Variants in SYNE2 observed in about 807,000 individuals in gnomAD.
SYNE2 encodes spectrin repeat containing nuclear envelope protein 2.
In SYNE2, 431 loss-of-function variants were observed where a neutral mutation model predicts 856.3. That is an observed-to-expected ratio of 0.50 (90% CI 0.47 to 0.55). The LOEUF is 0.55. Among genes scored for constraint, SYNE2 ranks in the 20% least tolerant of loss-of-function variants. The pLI is 0.00. For missense variants in SYNE2, 8,129 were observed against 8,023.2 expected (o/e 1.01, Z -0.50); for synonymous variants, 2,923 against 2,872.3 (o/e 1.02, Z -0.56).
intron 83 of SYNE2, 85 bp from the exon 84 acceptor site, chr14:64,145,983 A>G (rs1417239751): frequency 3.1e-6 from 3 of 979,502 alleles, no homozygotes; most frequent in Non-Finnish European, 4.3e-6. Context: ...AAAGAAGCAA[A>G]ATTGTTTTTT....
rs371320259 is a variant in SYNE2 at position 63,796,424 on chromosome 14, TC to T, written c.-305+34440del. ...GTAAGACGAGATCTCGCCGCTGCACTCCAGCCTGGGCAACAGAGCAAGACTC... is the reference window on the plus strand; with the variant it reads ...GTAAGACGAGATCTCGCCGCTGCACTCAGCCTGGGCAACAGAGCAAGACTC... On this transcript the variant is annotated intron_variant, in intron 1 of 23. Coordinates refer to the SYNE2 transcript ENST00000674003. Among the ~76,000 whole-genome samples the T allele has an allele frequency of 5.3e-4, 80 of 151,776 alleles. No homozygotes were observed. The East Asian group carries it at 8.7e-3, about 17-fold the overall frequency.
chr14:64,223,078 T>G, intron 112 of SYNE2, 111 bp from the exon 113 acceptor site: 2 of 1,057,268 alleles, frequency 1.9e-6, no homozygotes, highest in South Asian at 2.6e-5. Flanking sequence ...TCGAGTTGAG[T>G]ACTACCCATC....
chr14:64,208,723 A>G, intron 100 of SYNE2, 35 bp from the exon 101 acceptor site: 1 of 1,613,090 alleles, frequency 6.2e-7, no homozygotes, highest in Non-Finnish European at 8.5e-7. Context: ...TGCCACCAAC[A>G]TCTCAAGAGG....
chr14:64,037,172 C>T (rs1390052099), intron 45 of SYNE2, among the ~76,000 whole-genome samples: 1 of 147,718 alleles, frequency 6.8e-6, no homozygotes, highest in Admixed American at 6.8e-5. Flanking sequence ...TTGGGTGTTT[C>T]TCGCAGAGGG....
chr14:64,146,248 C>G, intron 84 of SYNE2, 25 bp downstream of exon 84: 1 of 1,588,598 alleles, frequency 6.3e-7, no homozygotes, highest in South Asian at 1.2e-5. Context: ...AGCATCCCAC[C>G]CAACCCGCGA....
intron 1 of SYNE2, among the ~76,000 whole-genome samples, chr14:63,875,402 C>A (rs1356965817): frequency 1.3e-5 from 2 of 152,122 alleles, no homozygotes; most frequent in Non-Finnish European, 2.9e-5. Flanking sequence ...TTCCCAAAAC[C>A]CTTTACAGAT....
intron 1 of SYNE2, among the ~76,000 whole-genome samples, chr14:63,859,979 C>T (rs141263495): frequency 1.2e-4 from 15 of 130,188 alleles, no homozygotes; most frequent in South Asian, 5.3e-4. Context: ...CTCCCTTCCT[C>T]CCTTCCTTCC....
intron 1 of SYNE2, among the ~76,000 whole-genome samples, chr14:63,875,061 G>C (rs922455106): frequency 2.0e-5 from 3 of 150,870 alleles, no homozygotes; most frequent in Non-Finnish European, 4.4e-5. Flanking sequence ...TTTTTTAAAT[G>C]GGGTGTTGCT....
At position 64,177,462 on chromosome 14, in the gene SYNE2, T is replaced by A; in HGVS notation, c.17535T>A (p.His5845Gln). ...TTCCAGAGCTTCACGAGGACCTCCA[T>A]AACGAAAAAGAGCTGATTAAGGTAT... is the stretch of plus-strand genomic sequence containing the variant. ...DPLPELHEDL[H>Q]NEKELIKELE... Residue 5845 changes from histidine (H) to glutamine (Q), a missense_variant, in exon 96 of 116, where the codon CAT becomes CAA. Coordinates refer to ENST00000555002, the MANE Select transcript of SYNE2 (RefSeq NM_182914.3). 1 of 1,614,124 alleles carries A rather than the reference T, an allele frequency of 6.2e-7. No individual in the cohort carries two copies. Among genetic ancestry groups the A allele is most frequent in the Non-Finnish European group, 8.5e-7 (1 of 1,180,008 alleles).
chr14:63,954,070 T>C (rs1360748440), intron 7 of SYNE2, among the ~76,000 whole-genome samples: 1 of 152,172 alleles, frequency 6.6e-6, no homozygotes, highest in Non-Finnish European at 1.5e-5. Context: ...TGTGCCAACG[T>C]CCCCAGCCAG....
rs1291076846 is a variant in SYNE2 at position 64,031,035 on chromosome 14, G to A, written c.6899G>A (p.Ser2300Asn). 1 of 1,613,928 alleles carries A rather than the reference G, an allele frequency of 6.2e-7. No individual in the cohort carries two copies. The highest frequency in any genetic ancestry group is 1.3e-5 in the African/African-American group (1 of 75,046). Reference protein sequence around the residue: ...QKLQELENRLSLQDGTLKKIL... With the variant: ...QKLQELENRLNLQDGTLKKIL... Reference sequence around the variant, plus strand: ...TCGTAGGAACTAGAGAATAGACTCAGTTTACAAGATGGCACATTAAAGAAG... The same window carrying A: ...TCGTAGGAACTAGAGAATAGACTCAATTTACAAGATGGCACATTAAAGAAG... Residue 2300 changes from serine to asparagine, a missense_variant, in exon 45 of 116, where the codon AGT becomes AAT. Ser to Asn is a conservative substitution (Grantham distance 46). Around this residue, in one of 3 missense-constraint regions of SYNE2, gnomAD observed 297 missense variants for 380.9 expected, o/e 0.78. Transcript: ENST00000555002.
chr14:64,038,378 G>T (rs377675831), intron 45 of SYNE2, among the ~76,000 whole-genome samples: 588 of 146,766 alleles, frequency 4.0e-3, no homozygotes, highest in African/African-American at 0.015. Flanking sequence ...AGGCAGAGGG[G>T]CTCCTCACCT....
At chr14:64,118,581 G>A (rs981670178) in intron 66 of SYNE2, among the ~76,000 whole-genome samples, 6 of 152,194 alleles carry the variant, frequency 3.9e-5, no homozygotes, top group African/African-American at 1.2e-4. Flanking sequence ...TAGGAAGGTA[G>A]GCGAGGCATG....
At chr14:64,195,167 G>A (rs529399446) in intron 99 of SYNE2, among the ~76,000 whole-genome samples, 3 of 152,250 alleles carry the variant, frequency 2.0e-5, no homozygotes, top group South Asian at 2.1e-4. Flanking sequence ...TGATGAAAGC[G>A]TTCAGTATCT....
chr14:64,118,390 G>A (rs893245240), intron 66 of SYNE2, among the ~76,000 whole-genome samples: 1 of 152,102 alleles, frequency 6.6e-6, no homozygotes, highest in African/African-American at 2.4e-5. Context: ...TGAATTGGCC[G>A]GTTGTATCAA....
In SYNE2 at chr14:63,949,924, A is replaced by G. The variant is rs2096123558; in HGVS notation, c.508A>G (p.Lys170Glu). ...ATCTCCTGCCTCAAGTCCTCCAGCT[A>G]AGAAATGCTCTAAAGTGCAAGCAAG... is the stretch of plus-strand genomic sequence containing the variant. ...DSSPASSPPA[K>E]KCSKVQARWQ... Residue 170 changes from lysine to glutamate, a missense_variant, in exon 7 of 116, where the codon AAG (lysine) becomes GAG (glutamate). Physicochemically the swap from Lys to Glu is moderately conservative, Grantham distance 56. Around this residue, in one of 3 missense-constraint regions of SYNE2, gnomAD observed 2,422 missense variants for 2,357.4 expected, o/e 1.03. Coordinates refer to ENST00000555002, the MANE Select transcript of SYNE2 (RefSeq NM_182914.3). 1 of 1,614,156 alleles carries G rather than the reference A, an allele frequency of 6.2e-7. No homozygotes were observed. Among genetic ancestry groups the G allele is most frequent in the Non-Finnish European group, 8.5e-7 (1 of 1,180,012 alleles).
intron 1 of SYNE2, among the ~76,000 whole-genome samples, chr14:63,882,640 G>T (rs2094891121): frequency 6.6e-6 from 1 of 152,074 alleles, no homozygotes; most frequent in Non-Finnish European, 1.5e-5. Context: ...TGGGAGGATT[G>T]GTTGCGTCTG....
intron 2 of SYNE2, among the ~76,000 whole-genome samples, chr14:63,912,311 AC>A (rs2095482757): frequency 6.6e-6 from 1 of 152,086 alleles, no homozygotes. Context: ...TTCTAAAGGC[AC>A]CTTTGCTTTC....
chr14:64,216,302 C>A lies in SYNE2; in HGVS notation c.19457C>A (p.Pro6486His). The change falls in exon 108 of 116, where the codon CCC (proline) becomes CAC (histidine). Residue 6486 changes from proline to histidine, a missense_variant. Coordinates refer to ENST00000555002, the MANE Select transcript of SYNE2 (RefSeq NM_182914.3). Reference sequence around the variant, plus strand: ...CATGTTCCCGACAGCCCTTCCTGTCCCGAGCATCACTACAAGCAAATGGAA... The same window carrying A: ...CATGTTCCCGACAGCCCTTCCTGTCACGAGCATCACTACAAGCAAATGGAA... ...SWHVPDSPSC[P>H]EHHYKQMEGD... 1 of 1,614,158 alleles carries A rather than the reference C, an allele frequency of 6.2e-7. No individual in the cohort carries two copies. The highest frequency in any genetic ancestry group is 8.5e-7 in the Non-Finnish European group (1 of 1,180,028).
Sources: gnomAD v4.1 joint callset for allele counts (sites outside exome capture counted in the v4.1 genomes callset) on GRCh38, gnomAD v4.1.1 for gene constraint, gnomAD v4.1.1 regional missense constraint, MANE v1.5 for transcripts, NCBI Gene and HGNC (gene_info 2026-07-23, HGNC 2026-07-21) for gene names.